The following MXRA8 variants were observed in gnomAD, a reference collection of about 807,000 sequenced individuals.
MXRA8 encodes the protein matrix remodeling associated 8.
A neutral mutation model predicts 51.4 loss-of-function variants in MXRA8; 44 were observed. The ratio of observed to expected loss-of-function variants is 0.86; its 90% CI spans 0.67 to 1.10. The LOEUF is 1.10. Ranked by LOEUF, MXRA8 falls within the 50% of genes least tolerant of loss-of-function variation. The pLI, the probability that MXRA8 is intolerant of heterozygous loss-of-function variation, is 0.00. For missense variants in MXRA8, 765 were observed against 638.9 expected (o/e 1.20, Z -2.13); for synonymous variants, 369 against 293.5 (o/e 1.26, Z -2.63).
At chr1:1,361,740 GT>G (rs1242499595), upstream of MXRA8, 1 of 177,950 alleles carries the variant, frequency 5.6e-6, no homozygotes, top group Admixed American at 5.5e-5. Context: ...CCCAGGCTGA[GT>G]TTCTCCCCTC....
upstream of MXRA8, among the ~76,000 whole-genome samples, chr1:1,361,022 ACACATG>A (rs1644215857): frequency 6.6e-6 from 1 of 151,590 alleles, no homozygotes; most frequent in Non-Finnish European, 1.5e-5. Flanking sequence ...ACAGACACAT[ACACATG>A]CATGCACATG....
At chr1:1,357,430 T>C (rs1474232048) in intron 1 of MXRA8, among the ~76,000 whole-genome samples, 1 of 151,394 alleles carries the variant, frequency 6.6e-6, no homozygotes, top group Non-Finnish European at 1.5e-5. Context: ...ACGCCCCACA[T>C]GGACTGTGCA....
rs1293236341 is a variant in MXRA8, at chr1:1,355,767, G to A, written c.74-15C>T. On this transcript the variant is annotated splice_polypyrimidine_tract_variant and intron_variant, in intron 2 of 9. Transcript: ENST00000309212. ...TACCGAGGACCCTGGTGGGGGAGGG[G>A]AGTCGGTGGGGGAAGGGGTGGGCCC... 7.2e-5 allele frequency: 92 copies of A among 1,275,002 alleles called. No homozygotes were observed. In the African/African-American group the frequency reaches 1.3e-3, roughly 18 times the overall value. 79.0% of individuals were successfully genotyped at this position (1,275,002 alleles called of 1,614,324 possible).
chr1:1,353,681 A>G, intron 9 of MXRA8, 52 bp from the exon 10 acceptor site: 1 of 1,534,362 alleles, frequency 6.5e-7, no homozygotes, highest in Non-Finnish European at 8.9e-7. Flanking sequence ...CCCTCATCAC[A>G]GTGGGAGACA....
intron 1 of MXRA8, among the ~76,000 whole-genome samples, chr1:1,357,960 G>T (rs561379161): frequency 2.0e-5 from 3 of 152,256 alleles, no homozygotes; most frequent in East Asian, 3.9e-4. Context: ...TTTCTATCCT[G>T]TGTCTCTAGA....
At chr1:1,355,404 C>T in intron 3 of MXRA8, 46 bp downstream of exon 3, 1 of 1,505,574 alleles carries the variant, frequency 6.6e-7, no homozygotes, top group South Asian at 1.2e-5. Context: ...CCCGCGGCCC[C>T]GGACCCCTGC....
chr1:1,356,304 G>C (rs1314520834), intron 2 of MXRA8, among the ~76,000 whole-genome samples: 2 of 128,464 alleles, frequency 1.6e-5, no homozygotes, highest in African/African-American at 3.0e-5. Context: ...GGGATGGGGA[G>C]TCCATGGGGG....
chr1:1,353,736 G>A, intron 9 of MXRA8, 107 bp from the exon 10 acceptor site: 1 of 1,465,528 alleles, frequency 6.8e-7, no homozygotes, highest in East Asian at 2.4e-5. Context: ...TTCTGAGCCT[G>A]AGGTGGCAGG....
rs147837866 is a variant in MXRA8, at chr1:1,358,546, G to A, written c.-42C>T. The A allele has an allele frequency of 8.3e-4, 1,321 of 1,600,748 alleles. 6 individuals carry two copies. In the African/African-American group the frequency reaches 0.016, roughly 19 times the overall value. ...CAGGCTTTGTCCCACTCGGCTCTAA[G>A]TCTCTCTCCAGAAAAACAGCCCTAC... On this transcript the variant is annotated 5_prime_UTR_variant, in exon 1 of 10. Coordinates refer to ENST00000309212, the MANE Select transcript of MXRA8 (RefSeq NM_032348.4).
chr1:1,358,599 G>A, upstream of MXRA8: 1 of 1,503,036 alleles, frequency 6.7e-7, no homozygotes, highest in Non-Finnish European at 8.9e-7. Flanking sequence ...CACCCGCGGT[G>A]ACATCACGGA....
upstream of MXRA8, chr1:1,361,922 C>G (rs1441132508): frequency 1.3e-5 from 2 of 154,146 alleles, no homozygotes; most frequent in East Asian, 3.8e-4. Flanking sequence ...AGACAGCCCC[C>G]CAAGGGGGTC....
chr1:1,358,567 C>T, upstream of MXRA8: 1 of 1,575,434 alleles, frequency 6.3e-7, no homozygotes, highest in South Asian at 1.2e-5. Flanking sequence ...GAAAAACAGC[C>T]CTACCCCCTC....
chr1:1,360,166 C>T (rs1002766444), upstream of MXRA8, among the ~76,000 whole-genome samples: 6 of 152,218 alleles, frequency 3.9e-5, no homozygotes, highest in African/African-American at 1.4e-4. Flanking sequence ...TCGCCTCACT[C>T]TGCAGGGCCG....
At chr1:1,353,658 C>T (rs773378933) in intron 9 of MXRA8, 29 bp from the exon 10 acceptor site, 10 of 1,554,454 alleles carry the variant, frequency 6.4e-6, no homozygotes, top group Non-Finnish European at 7.9e-6. Context: ...AACGGGTTGG[C>T]GGCTGTCCTC....
chr1:1,363,218 G>T (rs1234741801), upstream of MXRA8, among the ~76,000 whole-genome samples: 1 of 152,172 alleles, frequency 6.6e-6, no homozygotes, highest in African/African-American at 2.4e-5. Flanking sequence ...GGGAGGCAAA[G>T]GTTGCAGTGA....
At chr1:1,361,757 G>A (rs1165837011), upstream of MXRA8, 1 of 170,248 alleles carries the variant, frequency 5.9e-6, no homozygotes, top group Admixed American at 5.6e-5. Context: ...CCCTCTAAGA[G>A]GAAACACCGC....
chr1:1,353,547 G>A lies in MXRA8; in HGVS notation c.*57C>T, dbSNP rs911114773. On this transcript the variant is annotated 3_prime_UTR_variant, in exon 10 of 10. Coordinates refer to ENST00000309212, the MANE Select transcript of MXRA8 (RefSeq NM_032348.4). The stretch of plus-strand genomic sequence containing the variant: ...GCCCCGGAGCATCAGGAGATGCCCC[G>A]AGGAGCACAGACAGGAGAGGTGCAG... The A allele has an allele frequency of 1.4e-5, 21 of 1,542,472 alleles. No individual in the cohort carries two copies. The highest frequency in any genetic ancestry group is 2.4e-5 in the East Asian group (1 of 41,564).
upstream of MXRA8, chr1:1,358,882 C>A: frequency 2.0e-6 from 2 of 1,022,468 alleles, no homozygotes; most frequent in Non-Finnish European, 2.3e-6. Flanking sequence ...TGAGTGGCCC[C>A]TCCGCCCCAC....
upstream of MXRA8, chr1:1,359,485 C>G (rs770461846): frequency 1.0e-6 from 1 of 985,348 alleles, no homozygotes; most frequent in Non-Finnish European, 1.2e-6. Context: ...CACTAGAAAC[C>G]CTCAGTGCAT....
Sources: allele counts gnomAD v4.1 joint callset (sites outside exome capture counted in the v4.1 genomes callset), GRCh38; gene constraint gnomAD v4.1.1; transcripts MANE v1.5; gene names NCBI Gene and HGNC (gene_info 2026-07-23, HGNC 2026-07-21).